ACYP2: variants seen among roughly 807,000 people sequenced by gnomAD.
ACYP2 encodes acylphosphatase-2.
Under a neutral mutation model 11.2 loss-of-function variants are expected in ACYP2, and 12 were observed. The observed-to-expected ratio is 1.08, with a 90% CI of 0.69 to 1.74. ACYP2 has a LOEUF of 1.74. Ranked by LOEUF, ACYP2 falls within the 40% of genes most tolerant of loss-of-function variation. The probability of loss-of-function intolerance (pLI) is 0.00; values close to 1 mark genes in which losing one functional copy is unlikely to be tolerated. For synonymous variants in ACYP2, 43 were observed against 32.2 expected (o/e 1.33, Z -1.13); for missense variants, 134 against 101.9 (o/e 1.31, Z -1.35).
At chr2:54,106,258 AT>A (rs1679151634) in intron 4 of ACYP2, among the ~76,000 whole-genome samples, 1 of 151,954 alleles carries the variant, frequency 6.6e-6, no homozygotes, top group South Asian at 2.1e-4. Context: ...AATTATTATT[AT>A]TATTTTATTT....
chr2:54,203,136 A>C (rs1684925501), intron 6 of ACYP2, among the ~76,000 whole-genome samples: 4 of 151,856 alleles, frequency 2.6e-5, no homozygotes, highest in Admixed American at 1.3e-4. Context: ...GATCTTTTTA[A>C]ATTTCTTCCA....
chr2:54,115,925 C>A (rs930630281), intron 4 of ACYP2, among the ~76,000 whole-genome samples, 169 bp downstream of exon 1: 1 of 150,230 alleles, frequency 6.7e-6, no homozygotes, highest in African/African-American at 2.5e-5. Context: ...GCGCATGCGC[C>A]CGAGGACTTG....
intron 4 of ACYP2, among the ~76,000 whole-genome samples, chr2:54,082,367 TC>T (rs1677709132): frequency 6.6e-6 from 1 of 151,980 alleles, no homozygotes; most frequent in Non-Finnish European, 1.5e-5. Context: ...TGGCTCAGCC[TC>T]CTGAATAGCT....
intron 6 of ACYP2, chr2:54,255,148 C>A (rs1330754906): frequency 6.2e-7 from 1 of 1,614,128 alleles, no homozygotes; most frequent in Non-Finnish European, 8.5e-7. Flanking sequence ...GGACTGGGGT[C>A]CATGGCCCCG....
intron 6 of ACYP2, among the ~76,000 whole-genome samples, chr2:54,206,457 T>A (rs1409619620): frequency 1.3e-5 from 2 of 152,242 alleles, no homozygotes; most frequent in African/African-American, 2.4e-5. Flanking sequence ...TATGTTATCA[T>A]ATGTTCTTGT....
At chr2:54,245,732 G>A (rs1246567963) in intron 6 of ACYP2, among the ~76,000 whole-genome samples, 9 of 148,936 alleles carry the variant, frequency 6.0e-5, no homozygotes, top group Non-Finnish European at 1.3e-4. Flanking sequence ...TTGCTGTTGC[G>A]ATGTTTGATT....
At chr2:54,210,366 T>G (rs1316028211) in intron 6 of ACYP2, among the ~76,000 whole-genome samples, 1 of 150,882 alleles carries the variant, frequency 6.6e-6, no homozygotes, top group Non-Finnish European at 1.5e-5. Context: ...ATTACATTAC[T>G]TAATATATAC....
At chr2:54,142,001 G>C in intron 6 of ACYP2, 1 of 462,290 alleles carries the variant, frequency 2.2e-6, no homozygotes. Context: ...GTGTGTGTGT[G>C]TGTGTGTGTG....
chr2:54,242,458 T>C (rs1047756029), intron 6 of ACYP2, among the ~76,000 whole-genome samples: 1 of 152,222 alleles, frequency 6.6e-6, no homozygotes, highest in African/African-American at 2.4e-5. Flanking sequence ...GAACATATAT[T>C]TGATGCTTTA....
At chr2:54,012,235 C>CA (rs773858784) in intron 2 of ACYP2, among the ~76,000 whole-genome samples, 3,013 of 96,504 alleles carry the variant, frequency 0.031, 33 homozygotes, top group Non-Finnish European at 0.04. Context: ...GACTCCGTCT[C>CA]AAAAAAAAAA....
chr2:54,202,405 C>CTTTT (rs61634500), intron 6 of ACYP2, among the ~76,000 whole-genome samples: 9 of 116,370 alleles, frequency 7.7e-5, no homozygotes, highest in African/African-American at 3.2e-4. Flanking sequence ...CTGTGCCTGG[C>CTTTT]TTTTTTTTTT....
At chr2:54,190,416 C>A (rs1324026113) in intron 6 of ACYP2, among the ~76,000 whole-genome samples, 2 of 152,092 alleles carry the variant, frequency 1.3e-5, no homozygotes, top group African/African-American at 4.8e-5. Flanking sequence ...TTTCTCTCCT[C>A]CCTTTCTCTC....
intron 4 of ACYP2, chr2:54,080,450 G>T (rs1281083513): frequency 2.6e-5 from 4 of 152,136 alleles, no homozygotes; most frequent in Non-Finnish European, 4.4e-5. Flanking sequence ...ATTATAGAAA[G>T]AATCCAATGT....
intron 4 of ACYP2, among the ~76,000 whole-genome samples, chr2:54,113,155 C>T (rs1679542300): frequency 6.6e-6 from 1 of 151,996 alleles, no homozygotes; most frequent in Non-Finnish European, 1.5e-5. Context: ...TTTAAAATAC[C>T]TAATGCGATG....
intron 4 of ACYP2, 81 bp downstream of exon 1, chr2:54,115,837 A>T (rs2287640): frequency 0.069 from 97,276 of 1,409,236 alleles, 4,897 homozygotes; most frequent in East Asian, 0.31. Flanking sequence ...CTCCCACCTA[A>T]AGTATGCCTT....
chr2:54,283,069 T>G (rs1688915199), intron 6 of ACYP2, among the ~76,000 whole-genome samples: 1 of 152,226 alleles, frequency 6.6e-6, no homozygotes, highest in Non-Finnish European at 1.5e-5. Context: ...TTTTTATACT[T>G]TGCACAGTGG....
At chr2:53,987,090 G>A (rs1672072619) in intron 2 of ACYP2, among the ~76,000 whole-genome samples, 1 of 152,122 alleles carries the variant, frequency 6.6e-6, no homozygotes, top group Non-Finnish European at 1.5e-5. Flanking sequence ...ACACACAAGA[G>A]CATGTTCTGT....
chr2:54,012,196 A>G (rs1049805426), intron 2 of ACYP2, among the ~76,000 whole-genome samples: 6 of 151,786 alleles, frequency 4.0e-5, no homozygotes, highest in African/African-American at 1.4e-4. Context: ...AGACTTTGCC[A>G]CTGCATTCCA....
At chr2:54,017,844 G>A (rs1372825082) in intron 2 of ACYP2, among the ~76,000 whole-genome samples, 1 of 152,098 alleles carries the variant, frequency 6.6e-6, no homozygotes, top group East Asian at 1.9e-4. Context: ...TTATCAGTGA[G>A]CGTGTGTTAC....
Sources: allele counts gnomAD v4.1 joint callset (sites outside exome capture counted in the v4.1 genomes callset), GRCh38; gene constraint gnomAD v4.1.1; transcripts MANE v1.5; gene names NCBI Gene and HGNC (gene_info 2026-07-23, HGNC 2026-07-21).